The following ZNF385D variants were observed in gnomAD, a reference collection of about 807,000 sequenced individuals.
ZNF385D encodes the protein zinc finger protein 385D.
In ZNF385D, 15 loss-of-function variants were observed where a neutral mutation model predicts 35.8. That is an observed-to-expected ratio of 0.42 (90% confidence interval 0.28 to 0.64). The LOEUF (loss-of-function observed/expected upper bound fraction) is 0.64, where lower values mean the gene tolerates loss of function less well. Among genes scored for constraint, ZNF385D ranks in the 30% least tolerant of loss-of-function variants. The pLI is 0.23. For missense variants in ZNF385D, 474 were observed against 494.6 expected (o/e 0.96, Z 0.39); for synonymous variants, 212 against 186.8 (o/e 1.13, Z -1.10).
At chr3:21,594,638 C>T (rs1457100490) in intron 2 of ZNF385D, among the ~76,000 whole-genome samples, 4 of 152,054 alleles carry the variant, frequency 2.6e-5, no homozygotes, top group South Asian at 2.1e-4. Context: ...ACATAGCCAC[C>T]GGGAATTTAA....
At chr3:22,200,899 T>C (rs1260680216) in intron 2 of ZNF385D, among the ~76,000 whole-genome samples, 1 of 152,176 alleles carries the variant, frequency 6.6e-6, no homozygotes, top group Non-Finnish European at 1.5e-5. Flanking sequence ...AGTGTAAGGT[T>C]ATCTCTCTTG....
At position 21,869,713 on chromosome 3, in the gene ZNF385D, G is replaced by A. The variant is rs558648942; in HGVS notation, c.326-204685C>T. Among the ~76,000 whole-genome samples, 7 of 152,186 alleles carry A rather than the reference G, an allele frequency of 4.6e-5. No individual in the cohort carries two copies. The East Asian group carries it at 1.2e-3, about 25-fold the overall frequency. ...TAAGATGAAAAATAAAATATTTTAT[G>A]AACTGTATTAATTAGTTAATGCCAC... is the stretch of plus-strand genomic sequence containing the variant. On this transcript the variant is annotated intron_variant, in intron 3 of 5. Coordinates refer to the ZNF385D transcript ENST00000494108.
intron 4 of ZNF385D, among the ~76,000 whole-genome samples, chr3:21,448,052 T>C (rs1213302546): frequency 6.6e-6 from 1 of 152,178 alleles, no homozygotes; most frequent in African/African-American, 2.4e-5. Context: ...TGTTAGTATT[T>C]CATAGATTAG....
intron 3 of ZNF385D, among the ~76,000 whole-genome samples, chr3:21,919,589 G>C (rs1700355730): frequency 6.6e-6 from 1 of 152,220 alleles, no homozygotes; most frequent in Admixed American, 6.5e-5. Flanking sequence ...CTTCAAGAGA[G>C]CATGATTCAC....
Position 21,546,702 on chromosome 3 carries a change from A to C in ZNF385D, c.276+17872T>G, listed in dbSNP as rs545158001. On this transcript the variant is annotated intron_variant, in intron 3 of 7. Transcript: ENST00000281523. The stretch of plus-strand genomic sequence containing the variant: ...GTGGCTGATTCCTGCCATTTAAGCC[A>C]GCCGCAAGCTTCCTGTTTCATGGAT... 1.4e-4 allele frequency among the ~76,000 whole-genome samples: 21 copies of C among 152,200 alleles called. No individual in the cohort carries two copies. The South Asian group carries it at 4.2e-3, about 30-fold the overall frequency.
intron 3 of ZNF385D, among the ~76,000 whole-genome samples, chr3:21,869,528 A>G (rs935048846): frequency 2.6e-5 from 4 of 152,106 alleles, no homozygotes; most frequent in African/African-American, 9.7e-5. Context: ...AGTAAAGCCC[A>G]CTAAGTTGAA....
At chr3:21,501,890 C>T (rs1414688874) in intron 4 of ZNF385D, among the ~76,000 whole-genome samples, 1 of 152,140 alleles carries the variant, frequency 6.6e-6, no homozygotes, top group Non-Finnish European at 1.5e-5. Context: ...AAATTTCATC[C>T]AGATGTCTAT....
intron 2 of ZNF385D, among the ~76,000 whole-genome samples, chr3:22,281,058 G>C (rs1701712790): frequency 6.6e-6 from 1 of 151,816 alleles, no homozygotes; most frequent in African/African-American, 2.4e-5. Flanking sequence ...TTGTATAGTA[G>C]GGCTACTGAT....
At chr3:21,696,624 C>A (rs1374806560) in intron 1 of ZNF385D, among the ~76,000 whole-genome samples, 2 of 152,210 alleles carry the variant, frequency 1.3e-5, no homozygotes, top group Non-Finnish European at 2.9e-5. Context: ...AACTGTGTAT[C>A]CACACAACAT....
At chr3:21,767,293 A>C (rs1340283247) in intron 3 of ZNF385D, among the ~76,000 whole-genome samples, 1 of 151,892 alleles carries the variant, frequency 6.6e-6, no homozygotes, top group East Asian at 1.9e-4. Context: ...TTTTTAGCTC[A>C]ACTGCCACTT....
At chr3:21,639,024 A>G (rs9866105) in intron 2 of ZNF385D, among the ~76,000 whole-genome samples, 2 of 152,120 alleles carry the variant, frequency 1.3e-5, no homozygotes, top group African/African-American at 2.4e-5. Flanking sequence ...ATATTTTAAC[A>G]TCAAAAAGAG....
intron 4 of ZNF385D, among the ~76,000 whole-genome samples, chr3:21,470,379 G>A (rs1449238973): frequency 6.6e-6 from 1 of 152,032 alleles, no homozygotes; most frequent in Non-Finnish European, 1.5e-5. Context: ...GTGATGGGGT[G>A]GGTGTATTCT....
chr3:22,006,813 G>C (rs938452560), intron 3 of ZNF385D, among the ~76,000 whole-genome samples: 13 of 151,586 alleles, frequency 8.6e-5, no homozygotes, highest in African/African-American at 3.1e-4. Flanking sequence ...AACTAAAAGG[G>C]AACACAGGGA....
In ZNF385D at chr3:21,682,279, T is replaced by C. The variant is rs1159572699; in HGVS notation, c.23-17251A>G. Reference sequence around the variant, plus strand: ...TAAGTATGTTGAAAATCTAATAACTTATGAAAGATGTACACAACCTGGAAA... The same window carrying C: ...TAAGTATGTTGAAAATCTAATAACTCATGAAAGATGTACACAACCTGGAAA... On this transcript the variant is annotated intron_variant, in intron 1 of 7. Coordinates refer to ENST00000281523, the MANE Select transcript of ZNF385D (RefSeq NM_024697.3). 5.5e-5 allele frequency among the ~76,000 whole-genome samples: 8 copies of C among 146,520 alleles called. 1 individual carries two copies. The highest frequency in any genetic ancestry group is 1.0e-4 in the Non-Finnish European group (7 of 67,474).
chr3:22,284,530 A>C (rs1013042433), intron 2 of ZNF385D, among the ~76,000 whole-genome samples: 1 of 151,918 alleles, frequency 6.6e-6, no homozygotes, highest in Non-Finnish European at 1.5e-5. Flanking sequence ...TCTTTTATAC[A>C]TCGTGCATCA....
intron 3 of ZNF385D, among the ~76,000 whole-genome samples, chr3:21,828,612 T>C (rs1253000009): frequency 1.3e-5 from 2 of 152,190 alleles, no homozygotes; most frequent in Non-Finnish European, 1.5e-5. Flanking sequence ...CAGGCAGGTA[T>C]GGATAGTATG....
At chr3:21,711,325 G>A (rs1291128711) in intron 1 of ZNF385D, among the ~76,000 whole-genome samples, 2 of 151,964 alleles carry the variant, frequency 1.3e-5, no homozygotes, top group Non-Finnish European at 1.5e-5. Flanking sequence ...ACAGGCATGA[G>A]CCACCGCGCC....
At chr3:21,771,668 A>G (rs1161324783) in intron 3 of ZNF385D, among the ~76,000 whole-genome samples, 1 of 151,924 alleles carries the variant, frequency 6.6e-6, no homozygotes, top group Non-Finnish European at 1.5e-5. Context: ...GGGTGACTAC[A>G]TACAGCCAGG....
chr3:22,179,778 T>C (rs922308349), intron 2 of ZNF385D, among the ~76,000 whole-genome samples: 3 of 152,158 alleles, frequency 2.0e-5, no homozygotes, highest in African/African-American at 7.2e-5. Context: ...CTGGGACACA[T>C]TTAAAGCAGT....
Sources: gnomAD v4.1 joint callset for allele counts (sites outside exome capture counted in the v4.1 genomes callset) on GRCh38, gnomAD v4.1.1 for gene constraint, MANE v1.5 for transcripts, NCBI Gene and HGNC (gene_info 2026-07-23, HGNC 2026-07-21) for gene names.